The following NBEAL1 variants were observed in gnomAD, a reference collection of about 807,000 sequenced individuals.
The protein encoded by NBEAL1 is neurobeachin-like protein 1.
A neutral mutation model predicts 351.3 loss-of-function variants in NBEAL1; 273 were observed. The observed-to-expected ratio is 0.78, with a 90% CI of 0.70 to 0.86. NBEAL1 has a LOEUF of 0.86. Ranked by LOEUF, NBEAL1 falls within the 40% of genes least tolerant of loss-of-function variation. The pLI, the probability that NBEAL1 is intolerant of heterozygous loss-of-function variation, is 0.00. For missense variants in NBEAL1, 2,961 were observed against 3,201.3 expected (o/e 0.92, Z 1.81); for synonymous variants, 1,050 against 1,086.4 (o/e 0.97, Z 0.66).
At chr2:203,106,817 A>T (rs2062450261) in intron 12 of NBEAL1, among the ~76,000 whole-genome samples, 1 of 152,168 alleles carries the variant, frequency 6.6e-6, no homozygotes, top group Non-Finnish European at 1.5e-5. Flanking sequence ...TAGGTTTTCC[A>T]GTTGTCTTTA....
In NBEAL1 at chr2:203,222,414, T is replaced by C. The variant is rs2065962558; in HGVS notation, c.*5060T>C. ...TTCTGCATAGAAATTTGTCCATTTA[T>C]CTTTATATACCAGATCCAATATTCA... On this transcript the variant is annotated 3_prime_UTR_variant, in exon 56 of 56. Transcript: ENST00000683969. 6.6e-6 allele frequency among the ~76,000 whole-genome samples: 1 copy of C among 152,220 alleles called. No individual in the cohort carries two copies. The highest frequency in any genetic ancestry group is 2.1e-4 in the South Asian group (1 of 4,834).
At chr2:203,113,884 C>T (rs371209805) in intron 17 of NBEAL1, among the ~76,000 whole-genome samples, 7 of 148,096 alleles carry the variant, frequency 4.7e-5, no homozygotes, top group Non-Finnish European at 1.0e-4. Flanking sequence ...TGCAATGGCG[C>T]GATCCCGGCT....
intron 12 of NBEAL1, among the ~76,000 whole-genome samples, chr2:203,100,121 A>G (rs1329941703): frequency 6.6e-6 from 1 of 152,140 alleles, no homozygotes; most frequent in Non-Finnish European, 1.5e-5. Context: ...TCCATGGTGT[A>G]TATATACTAC....
intron 42 of NBEAL1, among the ~76,000 whole-genome samples, chr2:203,177,040 A>G (rs958311854): frequency 1.3e-4 from 20 of 151,656 alleles, no homozygotes; most frequent in African/African-American, 4.6e-4. Flanking sequence ...AGTCCCAGCT[A>G]CTTGGGAGGC....
At chr2:203,154,626 T>C (rs535911452) in intron 35 of NBEAL1, among the ~76,000 whole-genome samples, 2 of 152,296 alleles carry the variant, frequency 1.3e-5, no homozygotes, top group Non-Finnish European at 2.9e-5. Context: ...GGAAAATCCA[T>C]TATTAATTTC....
intron 4 of NBEAL1, among the ~76,000 whole-genome samples, chr2:203,055,280 TC>T (rs1419659680): frequency 6.6e-6 from 1 of 152,152 alleles, no homozygotes; most frequent in East Asian, 1.9e-4. Context: ...CTCCAAGTTG[TC>T]ATGCCAGTCT....
intron 3 of NBEAL1, among the ~76,000 whole-genome samples, chr2:203,044,693 A>G (rs1238580294): frequency 6.6e-6 from 1 of 152,210 alleles, no homozygotes; most frequent in East Asian, 1.9e-4. Flanking sequence ...AAACATTCAG[A>G]TTTTTAAGTA....
chr2:203,072,525 A>G (rs1192037871), intron 7 of NBEAL1, among the ~76,000 whole-genome samples: 1 of 152,112 alleles, frequency 6.6e-6, no homozygotes, highest in East Asian at 1.9e-4. Flanking sequence ...CATTTTAACT[A>G]TAAGCAGTCA....
At chr2:203,088,250 G>A (rs1409667879) in intron 10 of NBEAL1, among the ~76,000 whole-genome samples, 1 of 151,918 alleles carries the variant, frequency 6.6e-6, no homozygotes, top group Non-Finnish European at 1.5e-5. Context: ...TTGAAAATTA[G>A]GATTCATTAC....
intron 29 of NBEAL1, among the ~76,000 whole-genome samples, chr2:203,137,788 A>G (rs1181493521): frequency 6.6e-6 from 1 of 152,048 alleles, no homozygotes; most frequent in East Asian, 1.9e-4. Context: ...GTTCAAGACC[A>G]GCCTATCCAA....
At chr2:203,172,674 G>A (rs944132955) in intron 40 of NBEAL1, 55 bp from the exon 41 acceptor site, 4 of 1,516,876 alleles carry the variant, frequency 2.6e-6, no homozygotes, top group South Asian at 1.3e-5. Flanking sequence ...TTAGATATGA[G>A]GATATTAGCT....
intron 2 of NBEAL1, chr2:203,040,230 G>C: frequency 8.9e-7 from 1 of 1,125,952 alleles, no homozygotes; most frequent in Non-Finnish European, 1.3e-6. Context: ...AGAAGGAGCA[G>C]AGGAAAGGAA....
In NBEAL1 at chr2:203,113,118, G is replaced by A. The variant is rs530671132; in HGVS notation, c.2306G>A (p.Arg769Gln). 7.1e-6 allele frequency: 11 copies of A among 1,552,544 alleles called. No individual in the cohort carries two copies. Among genetic ancestry groups the A allele is most frequent in the Non-Finnish European group, 8.7e-6 (10 of 1,147,198 alleles). Residue 769 changes from arginine to glutamine, a missense_variant, in exon 17 of 56, where the codon CGG (arginine) becomes CAG (glutamine). By Grantham distance (43) the Arg-to-Gln change is conservative. Transcript: ENST00000683969. ...TTCTCTTCTCCCATTACCCCTCATC[G>A]GACATCATTTGGTGGAATTCTGTCA... Reference protein sequence around the residue: ...PPFSSPITPHRTSFGGILSSA... With the variant: ...PPFSSPITPHQTSFGGILSSA...
At position 203,107,930 on chromosome 2, in the gene NBEAL1, T is replaced by C. The variant is rs914335535; in HGVS notation, c.1691T>C (p.Leu564Pro). The C allele has an allele frequency of 9.7e-6, 15 of 1,553,680 alleles. No homozygotes were observed. Among genetic ancestry groups the C allele is most frequent in the Non-Finnish European group, 1.3e-5 (15 of 1,147,572 alleles). ...SEEIRRLLRL[L>P]RVDESESVHP... ...GAAATCCGTCGACTACTGAGATTGCTGAGAGTGGATGAATCTGAGTCTGTT... is the reference window on the plus strand; with the variant it reads ...GAAATCCGTCGACTACTGAGATTGCCGAGAGTGGATGAATCTGAGTCTGTT... Residue 564 changes from leucine (L) to proline (P), a missense_variant, in exon 14 of 56, where the codon CTG becomes CCG. By Grantham distance (98) the Leu-to-Pro change is moderately conservative. Coordinates refer to ENST00000683969, the MANE Select transcript of NBEAL1 (RefSeq NM_001378026.1).
At chr2:203,155,753 A>G (rs947054439) in intron 35 of NBEAL1, among the ~76,000 whole-genome samples, 2 of 152,052 alleles carry the variant, frequency 1.3e-5, no homozygotes, top group Non-Finnish European at 2.9e-5. Flanking sequence ...CAGCCTGTAA[A>G]TATATTTCTT....
Position 203,157,845 on chromosome 2 carries a change from A to C in NBEAL1, c.5714+20A>C. ...AAATGTGTATGTATAAATATTTAAA[A>C]TTATTTTGTTCTGAGAAAGGGGATT... On this transcript the variant is annotated intron_variant, in intron 36 of 55. Transcript: ENST00000683969. 6.7e-7 allele frequency: 1 copy of C among 1,483,774 alleles called. No homozygotes were observed. The highest frequency in any genetic ancestry group is 8.9e-7 in the Non-Finnish European group (1 of 1,119,504). The allele number at this position is 1,483,774 out of a possible 1,614,324, so 91.9% of individuals were successfully genotyped here. A position where few individuals can be genotyped will look rare whatever the true frequency, so the allele number is the denominator to read the frequency against.
At chr2:203,099,543 T>C in intron 11 of NBEAL1, 86 bp from the exon 12 acceptor site, 1 of 780,408 alleles carries the variant, frequency 1.3e-6, no homozygotes, top group Non-Finnish European at 2.1e-6. Flanking sequence ...AATTATTTTT[T>C]CAGGTTTTCA....
intron 10 of NBEAL1, among the ~76,000 whole-genome samples, chr2:203,092,714 G>A (rs998643723): frequency 1.3e-5 from 2 of 152,162 alleles, no homozygotes; most frequent in African/African-American, 2.4e-5. Context: ...ATTTCCTGCT[G>A]AGGAATACCA....
chr2:203,029,436 C>T (rs187760082), intron 2 of NBEAL1, among the ~76,000 whole-genome samples: 25 of 152,328 alleles, frequency 1.6e-4, no homozygotes, highest in African/African-American at 5.1e-4. Context: ...GTATATTGTT[C>T]AGACCTGGAA....
Sources: gnomAD v4.1 joint callset for allele counts (sites outside exome capture counted in the v4.1 genomes callset) on GRCh38, gnomAD v4.1.1 for gene constraint, MANE v1.5 for transcripts, NCBI Gene and HGNC (gene_info 2026-07-23, HGNC 2026-07-21) for gene names.